The following RALY variants were observed in gnomAD, a reference collection of about 807,000 sequenced individuals.
The protein encoded by RALY is RNA-binding protein Raly.
Under a neutral mutation model 30.7 loss-of-function variants are expected in RALY, and 15 were observed. The ratio of observed to expected loss-of-function variants is 0.49; its 90% CI spans 0.33 to 0.75. The LOEUF is 0.75. RALY is among the 30% of genes least tolerant of loss of function. RALY has a pLI of 0.02. For synonymous variants in RALY, 177 were observed against 170.8 expected (o/e 1.04, Z -0.28); for missense variants, 339 against 414.3 (o/e 0.82, Z 1.58).
intron 2 of RALY, among the ~76,000 whole-genome samples, chr20:34,051,555 A>G (rs992424575): frequency 3.9e-5 from 6 of 152,188 alleles, no homozygotes; most frequent in African/African-American, 1.4e-4. Flanking sequence ...CTCATAGGAT[A>G]GCGTTTTCAG....
chr20:34,067,874 C>A (rs899527510), intron 2 of RALY, among the ~76,000 whole-genome samples: 1 of 144,576 alleles, frequency 6.9e-6, no homozygotes, highest in Non-Finnish European at 1.5e-5. Flanking sequence ...GTCCTGGGGG[C>A]CTGTCTCTTA....
In RALY at chr20:34,048,306, C is replaced by T. The variant is rs905167030; in HGVS notation, c.-10+16702C>T. Among the ~76,000 whole-genome samples, 4 of 152,180 alleles carry T rather than the reference C, an allele frequency of 2.6e-5. No individual in the cohort carries two copies. The South Asian group carries it at 6.2e-4, about 24-fold the overall frequency. ...ACAGCAGAGTCGTGTGTCTCTCGTG[C>T]TCCTGGGGGGATGAGAGTGTTGGGT... On this transcript the variant is annotated intron_variant, in intron 2 of 9. Coordinates refer to ENST00000246194, the MANE Select transcript of RALY (RefSeq NM_016732.3).
At chr20:34,024,018 A>G (rs1033197558) in intron 1 of RALY, among the ~76,000 whole-genome samples, 2 of 152,058 alleles carry the variant, frequency 1.3e-5, no homozygotes, top group South Asian at 2.1e-4. Context: ...AGCCTGGCCA[A>G]CATGGTCTGA....
rs914112688 is a variant in RALY at position 33,993,994 on chromosome 20, G to GCGA, written c.-219_-217dup. On this transcript the variant is annotated 5_prime_UTR_variant, in exon 1 of 10. Transcript: ENST00000246194. ...TGAGGGGGCGGTAGCGGCGGCGACG[G>GCGA]CGACGACGACGACTCCCGCGCGTGT... 2 of 151,896 alleles carry GCGA rather than the reference G, an allele frequency of 1.3e-5. No individual in the cohort carries two copies. The highest frequency in any genetic ancestry group is 1.3e-4 in the Admixed American group (2 of 15,270). The allele number at this position is 151,896 out of a possible 1,614,324, so 9.4% of individuals were successfully genotyped here.
rs1220314132 is a variant in RALY at position 34,054,461 on chromosome 20, T to C, written c.-9-17605T>C. 3.9e-5 allele frequency among the ~76,000 whole-genome samples: 6 copies of C among 152,256 alleles called. No homozygotes were observed. In the South Asian group the frequency reaches 6.2e-4, roughly 16 times the overall value. ...ATACAAAAGCTTTCCCGAAGAGTTTTCTACAGGGACGTCACATCAGTGGGT... is the reference window on the plus strand; with the variant it reads ...ATACAAAAGCTTTCCCGAAGAGTTTCCTACAGGGACGTCACATCAGTGGGT... On this transcript the variant is annotated intron_variant, in intron 2 of 9. Coordinates refer to ENST00000246194, the MANE Select transcript of RALY (RefSeq NM_016732.3).
intron 2 of RALY, among the ~76,000 whole-genome samples, chr20:34,036,722 A>C (rs2032509912): frequency 6.6e-6 from 1 of 152,122 alleles, no homozygotes; most frequent in Non-Finnish European, 1.5e-5. Flanking sequence ...TGTTAAATCT[A>C]CTTAGATTTT....
At chr20:34,073,447 C>T (rs1489310384) in intron 3 of RALY, 116 bp from the exon 4 acceptor site, 2 of 934,614 alleles carry the variant, frequency 2.1e-6, no homozygotes, top group Admixed American at 3.8e-5. Context: ...CATCAGTGAG[C>T]AGAATCCATG....
chr20:34,048,190 A>G (rs975347917), intron 2 of RALY, among the ~76,000 whole-genome samples: 2 of 152,158 alleles, frequency 1.3e-5, no homozygotes, highest in Non-Finnish European at 2.9e-5. Flanking sequence ...TAGGCTCTGG[A>G]CTCGTTAAAA....
intron 2 of RALY, among the ~76,000 whole-genome samples, chr20:34,056,220 T>G (rs907993854): frequency 1.3e-5 from 2 of 152,230 alleles, no homozygotes; most frequent in African/African-American, 4.8e-5. Context: ...GTGGGATCTC[T>G]GTCAAACTTC....
At chr20:34,010,772 C>T (rs1431790637) in intron 1 of RALY, among the ~76,000 whole-genome samples, 1 of 152,178 alleles carries the variant, frequency 6.6e-6, no homozygotes, top group Non-Finnish European at 1.5e-5. Flanking sequence ...TCAGCAGCAA[C>T]TGCCTGATTA....
At chr20:34,037,636 A>C (rs914283005) in intron 2 of RALY, among the ~76,000 whole-genome samples, 1 of 152,214 alleles carries the variant, frequency 6.6e-6, no homozygotes, top group African/African-American at 2.4e-5. Context: ...AAGGAATAAT[A>C]GTTTCTACCC....
chr20:34,073,494 G>A (rs1369366863), intron 3 of RALY, 69 bp from the exon 4 acceptor site: 9 of 1,400,850 alleles, frequency 6.4e-6, no homozygotes, highest in South Asian at 5.8e-5. Flanking sequence ...CTGTGCGTGT[G>A]CATGAGGTTG....
chr20:34,057,119 C>T (rs2033268573), intron 2 of RALY, among the ~76,000 whole-genome samples: 1 of 152,000 alleles, frequency 6.6e-6, no homozygotes, highest in Non-Finnish European at 1.5e-5. Context: ...GCAGTAAGGA[C>T]AAATATGCTA....
At chr20:34,056,123 G>A (rs182102335) in intron 2 of RALY, among the ~76,000 whole-genome samples, 14 of 152,226 alleles carry the variant, frequency 9.2e-5, no homozygotes, top group African/African-American at 2.4e-4. Flanking sequence ...ATCTGATCTC[G>A]GCTAGGCACT....
chr20:34,075,989 A>G lies in RALY; in HGVS notation c.493A>G (p.Lys165Glu), dbSNP rs749975580. 1.2e-6 allele frequency: 2 copies of G among 1,614,212 alleles called. No individual in the cohort carries two copies. The highest frequency in any genetic ancestry group is 1.7e-6 in the Non-Finnish European group (2 of 1,180,034). ...VRRVKTNVPVKLFARSTAVTT... is the reference protein window; with the variant it reads ...VRRVKTNVPVELFARSTAVTT... ...GCGTGTCAAAACTAACGTACCTGTC[A>G]AGCTCTTTGCCCGCTCCACAGCTGT... The change falls in exon 6 of 10, where the codon AAG becomes GAG. Residue 165 changes from lysine to glutamate, a missense_variant. Physicochemically the swap from Lys to Glu is moderately conservative, Grantham distance 56. This residue lies in a region of RALY where 268 missense variants were observed against 280.6 expected (regional missense o/e 0.95). Coordinates refer to ENST00000246194, the MANE Select transcript of RALY (RefSeq NM_016732.3).
intron 2 of RALY, among the ~76,000 whole-genome samples, chr20:34,068,795 A>G (rs763136120): frequency 1.3e-4 from 19 of 151,962 alleles, no homozygotes; most frequent in South Asian, 4.2e-4. Flanking sequence ...TCCCACCTCT[A>G]TCCCTCACTT....
intron 1 of RALY, among the ~76,000 whole-genome samples, chr20:34,002,725 GACA>G: frequency 6.6e-6 from 1 of 152,292 alleles, no homozygotes; most frequent in East Asian, 1.9e-4. Context: ...TAGAGTAGGG[GACA>G]ACATTTCCTT....
intron 2 of RALY, among the ~76,000 whole-genome samples, chr20:34,049,749 G>A (rs928267791): frequency 6.6e-6 from 1 of 152,156 alleles, no homozygotes; most frequent in Non-Finnish European, 1.5e-5. Flanking sequence ...GTACAGATGA[G>A]GAAACTGAGA....
intron 2 of RALY, among the ~76,000 whole-genome samples, chr20:34,061,661 TTGA>T (rs2123216340): frequency 6.6e-6 from 1 of 152,338 alleles, no homozygotes; most frequent in African/African-American, 2.4e-5. Context: ...TGGGGATTAT[TTGA>T]TGGTAAATAA....
Sources: allele counts gnomAD v4.1 joint callset (sites outside exome capture counted in the v4.1 genomes callset), GRCh38; gene constraint gnomAD v4.1.1; regional missense constraint gnomAD v4.1.1; transcripts MANE v1.5; gene names NCBI Gene and HGNC (gene_info 2026-07-23, HGNC 2026-07-21).